Variants in TNKS observed in about 807,000 individuals in gnomAD.
TNKS encodes poly [ADP-ribose] polymerase tankyrase-1.
In TNKS, 72 loss-of-function variants were observed where a neutral mutation model predicts 135.8. The ratio of observed to expected loss-of-function variants is 0.53; its 90% CI spans 0.44 to 0.64. TNKS has a LOEUF of 0.64. TNKS is among the 30% of genes least tolerant of loss of function. The pLI, the probability that TNKS is intolerant of heterozygous loss-of-function variation, is 0.00. For synonymous variants in TNKS, 849 were observed against 649.3 expected (o/e 1.31, Z -4.68); for missense variants, 1,769 against 1,674.0 (o/e 1.06, Z -0.99).
intron 5 of TNKS, among the ~76,000 whole-genome samples, chr8:9,695,169 A>G (rs932183521): frequency 2.0e-5 from 3 of 152,230 alleles, no homozygotes; most frequent in African/African-American, 7.2e-5. Context: ...AGATGTAGTC[A>G]TTAAATTTTT....
At chr8:9,599,326 G>A (rs1168874017) in intron 2 of TNKS, among the ~76,000 whole-genome samples, 1 of 152,090 alleles carries the variant, frequency 6.6e-6, no homozygotes, top group Non-Finnish European at 1.5e-5. Context: ...TGTTTATTGA[G>A]TTCTTGTTAT....
intron 5 of TNKS, among the ~76,000 whole-genome samples, chr8:9,698,290 T>C (rs1166428108): frequency 6.7e-6 from 1 of 148,266 alleles, no homozygotes; most frequent in Admixed American, 6.9e-5. Flanking sequence ...ACCTATTGGG[T>C]ACCATGCTCA....
intron 17 of TNKS, among the ~76,000 whole-genome samples, chr8:9,745,255 T>G (rs1806177336): frequency 6.6e-6 from 1 of 152,226 alleles, no homozygotes; most frequent in Admixed American, 6.5e-5. Flanking sequence ...TCTGTTTTCA[T>G]CTTTTGTGTT....
chr8:9,578,462 C>T (rs985193540), intron 1 of TNKS, among the ~76,000 whole-genome samples: 1 of 152,208 alleles, frequency 6.6e-6, no homozygotes, highest in Non-Finnish European at 1.5e-5. Context: ...TTGATCTTTT[C>T]ACCTAAAATT....
At chr8:9,705,478 T>G (rs952763266) in intron 6 of TNKS, among the ~76,000 whole-genome samples, 3 of 152,172 alleles carry the variant, frequency 2.0e-5, no homozygotes, top group Admixed American at 2.0e-4. Context: ...AGAGGAGAGT[T>G]TCTTTCACTT....
rs541267471 is a variant in TNKS, at chr8:9,777,134, G to A, written c.*398G>A. ...CTATAACAAATATACACATACGACA[G>A]GCAACAAGCTTGTTTTTGATTTGCC... On this transcript the variant is annotated 3_prime_UTR_variant, in exon 27 of 27. Coordinates refer to ENST00000310430, the MANE Select transcript of TNKS (RefSeq NM_003747.3). 2 of 162,688 alleles carry A rather than the reference G, an allele frequency of 1.2e-5. No individual in the cohort carries two copies. Among genetic ancestry groups the A allele is most frequent in the African/African-American group, 4.8e-5 (2 of 41,844 alleles). 10.1% of individuals were successfully genotyped at this position (162,688 alleles called of 1,614,324 possible).
At chr8:9,715,110 G>A (rs1317519131) in intron 11 of TNKS, among the ~76,000 whole-genome samples, 1 of 152,124 alleles carries the variant, frequency 6.6e-6, no homozygotes, top group African/African-American at 2.4e-5. Context: ...AGAAGGAGCA[G>A]GTGACCAGTG....
Position 9,733,275 on chromosome 8 carries a change from T to G in TNKS, c.2148-4T>G. 6.4e-7 allele frequency: 1 copy of G among 1,554,566 alleles called. No individual in the cohort carries two copies. The highest frequency in any genetic ancestry group is 8.6e-7 in the Non-Finnish European group (1 of 1,158,432). ...TGACTTTAAAATAACTTTCTTTTGT[T>G]TAGTGGCTTGGTGCCCCTTCATAAT... On this transcript the variant is annotated splice_polypyrimidine_tract_variant and splice_region_variant and intron_variant, in intron 14 of 26. Transcript: ENST00000310430.
chr8:9,571,202 A>G (rs1797745283), intron 1 of TNKS, among the ~76,000 whole-genome samples: 1 of 152,202 alleles, frequency 6.6e-6, no homozygotes, highest in South Asian at 2.1e-4. Flanking sequence ...CAGAATTTCA[A>G]GAATCCTTGT....
intron 3 of TNKS, among the ~76,000 whole-genome samples, chr8:9,632,125 A>G (rs560153771): frequency 2.0e-5 from 3 of 152,350 alleles, no homozygotes; most frequent in Admixed American, 6.5e-5. Flanking sequence ...GACTTCATGT[A>G]TTAAAATACA....
chr8:9,769,509 G>T (rs1807671951), intron 25 of TNKS, among the ~76,000 whole-genome samples: 1 of 151,280 alleles, frequency 6.6e-6, no homozygotes, highest in African/African-American at 2.4e-5. Context: ...GTTTCCATCA[G>T]CTTATTTTCT....
At chr8:9,757,703 G>C (rs1806917044) in intron 20 of TNKS, among the ~76,000 whole-genome samples, 1 of 152,126 alleles carries the variant, frequency 6.6e-6, no homozygotes, top group Non-Finnish European at 1.5e-5. Flanking sequence ...CATGAACTTT[G>C]GTTAGCACTC....
Position 9,735,103 on chromosome 8 carries a change from T to C in TNKS, c.2533+19T>C. On this transcript the variant is annotated intron_variant, in intron 16 of 26. Transcript: ENST00000310430. ...CTGGCAGGTAAGCGCCCCCAGTGCC[T>C]CCAAGCCTCCTTTTCCTTTCTCGGA... 6.2e-7 allele frequency: 1 copy of C among 1,602,912 alleles called. No homozygotes were observed. The highest frequency in any genetic ancestry group is 8.5e-7 in the Non-Finnish European group (1 of 1,175,438).
At chr8:9,771,699 GGAA>G (rs1229836436) in intron 26 of TNKS, among the ~76,000 whole-genome samples, 4 of 130,420 alleles carry the variant, frequency 3.1e-5, no homozygotes, top group Non-Finnish European at 4.9e-5. Flanking sequence ...GAGAGAGAGA[GGAA>G]GGGAGAAAGC....
intron 5 of TNKS, among the ~76,000 whole-genome samples, chr8:9,703,662 G>C (rs1426105809): frequency 6.6e-6 from 1 of 152,132 alleles, no homozygotes; most frequent in East Asian, 1.9e-4. Flanking sequence ...ACAGTGTTTA[G>C]TACTTCTTTT....
intron 2 of TNKS, among the ~76,000 whole-genome samples, chr8:9,611,620 G>A (rs1799466602): frequency 6.6e-6 from 1 of 152,162 alleles, no homozygotes; most frequent in South Asian, 2.1e-4. Flanking sequence ...TTGAGTCTTA[G>A]ATGACACCAC....
chr8:9,631,971 ATTC>A (rs1324937062), intron 3 of TNKS, among the ~76,000 whole-genome samples: 1 of 152,172 alleles, frequency 6.6e-6, no homozygotes, highest in Non-Finnish European at 1.5e-5. Flanking sequence ...TTAAAATCAA[ATTC>A]TTCATTAAAA....
At chr8:9,669,246 G>A (rs1183154885) in intron 3 of TNKS, among the ~76,000 whole-genome samples, 4 of 150,948 alleles carry the variant, frequency 2.6e-5, no homozygotes, top group East Asian at 2.0e-4. Context: ...GTGAAACCCC[G>A]TCTCTACTAA....
intron 2 of TNKS, among the ~76,000 whole-genome samples, chr8:9,609,718 C>T (rs576380487): frequency 4.2e-4 from 64 of 152,180 alleles, no homozygotes; most frequent in African/African-American, 1.4e-3. Flanking sequence ...TAGTTCTGTT[C>T]ATTGTTTACA....
Sources: gnomAD v4.1 joint callset for allele counts (sites outside exome capture counted in the v4.1 genomes callset) on GRCh38, gnomAD v4.1.1 for gene constraint, MANE v1.5 for transcripts, NCBI Gene and HGNC (gene_info 2026-07-23, HGNC 2026-07-21) for gene names.